Variants in P3H2 observed in about 807,000 individuals in gnomAD.
P3H2 encodes prolyl 3-hydroxylase 2, also known as leprecan-like 1.
In P3H2, 80 loss-of-function variants were observed where a neutral mutation model predicts 87.0. The ratio of observed to expected loss-of-function variants is 0.92; its 90% CI spans 0.77 to 1.11. The LOEUF is 1.11. Ranked by LOEUF, P3H2 falls within the 50% of genes least tolerant of loss-of-function variation. The probability of loss-of-function intolerance (pLI) is 0.00; values close to 1 mark genes in which losing one functional copy is unlikely to be tolerated. For missense variants in P3H2, 1,001 were observed against 923.9 expected (o/e 1.08, Z -1.08); for synonymous variants, 367 against 359.3 (o/e 1.02, Z -0.24).
In P3H2 at chr3:189,964,096, G is replaced by A; in HGVS notation, c.1896C>T (p.Ala632=). ...TGCGCCCACATTTTGGTTTTATAGA[G>A]GCCTGAGAAAGAAAGCAAAAATTAG... is the stretch of plus-strand genomic sequence containing the variant. The part of the protein sequence containing the change: ...FTEMDAKTVT[A]SIKPKCGRMI... The change falls in exon 14 of 15, where the codon GCC becomes GCT. Residue 632 remains alanine (A), a splice_region_variant and synonymous_variant. Coordinates refer to ENST00000319332, the MANE Select transcript of P3H2 (RefSeq NM_018192.4). 6.2e-7 allele frequency: 1 copy of A among 1,614,030 alleles called. No homozygotes were observed. The highest frequency in any genetic ancestry group is 8.5e-7 in the Non-Finnish European group (1 of 1,179,916).
intron 1 of P3H2, among the ~76,000 whole-genome samples, chr3:190,033,571 T>C (rs1471920883): frequency 6.6e-6 from 1 of 152,216 alleles, no homozygotes; most frequent in Non-Finnish European, 1.5e-5. Context: ...ACATGTCTAT[T>C]TCTTTATGAG....
In P3H2 at chr3:190,046,652, C is replaced by T. The variant is rs1031801473; in HGVS notation, c.481-51210G>A. Among the ~76,000 whole-genome samples, 12 of 127,312 alleles carry T rather than the reference C, an allele frequency of 9.4e-5. No individual in the cohort carries two copies. The East Asian group carries it at 2.6e-3, about 28-fold the overall frequency. 83.5% of individuals were successfully genotyped at this position (127,312 alleles called of 152,430 possible). ...CACAATCAGATATAGATTTAAGAAA[C>T]AATCAGATATAAACTCAAAATTGAT... On this transcript the variant is annotated intron_variant, in intron 1 of 14. Transcript: ENST00000319332.
intron 1 of P3H2, among the ~76,000 whole-genome samples, chr3:190,114,079 CAAAA>C (rs1220002187): frequency 0.016 from 1,230 of 78,856 alleles, 10 homozygotes; most frequent in South Asian, 0.02. Context: ...GACTCCGTCT[CAAAA>C]AAAAAAAAAA....
chr3:190,120,388 C>T lies in P3H2; in HGVS notation c.344G>A (p.Gly115Glu). Residue 115 changes from glycine (G) to glutamate (E), a missense_variant, in exon 1 of 15, where the codon GGG (glycine) becomes GAG (glutamate). Coordinates refer to ENST00000319332, the MANE Select transcript of P3H2 (RefSeq NM_018192.4). ...ACAGCTGCGATAACAGCGCGCCCGC[C>T]CCAACAAGGAGCGGAAAAGGGGCAG... ...AELPLFRSLL[G>E]RARCYRSCET... 1.9e-6 allele frequency: 3 copies of T among 1,547,806 alleles called. No homozygotes were observed. The highest frequency in any genetic ancestry group is 2.6e-6 in the Non-Finnish European group (3 of 1,152,848).
In P3H2 at chr3:189,964,017, T is replaced by G. The variant is rs150393214; in HGVS notation, c.1975A>C (p.Lys659Gln). ...ENPHGVKAVT[K>Q]GKRCAVALWF... ...AGAGCCACAGCACACCTCTTTCCCTTGGTGACTGCCTTCACCCCATGAGGG... is the reference window on the plus strand; with the variant it reads ...AGAGCCACAGCACACCTCTTTCCCTGGGTGACTGCCTTCACCCCATGAGGG... Residue 659 changes from lysine to glutamine, a missense_variant, in exon 14 of 15, where the codon AAG (lysine) becomes CAG (glutamine). Coordinates refer to ENST00000319332, the MANE Select transcript of P3H2 (RefSeq NM_018192.4). 6.2e-7 allele frequency: 1 copy of G among 1,614,156 alleles called. No homozygotes were observed. Among genetic ancestry groups the G allele is most frequent in the East Asian group, 2.2e-5 (1 of 44,882 alleles).
At chr3:189,998,953 T>C (rs113631240) in intron 1 of P3H2, among the ~76,000 whole-genome samples, 2,805 of 152,282 alleles carry the variant, frequency 0.018, 86 homozygotes, top group African/African-American at 0.064. Flanking sequence ...TATGAGAACC[T>C]AAGACCTCCA....
chr3:190,038,486 G>GAAAAA (rs57971408), intron 1 of P3H2, among the ~76,000 whole-genome samples: 2 of 92,620 alleles, frequency 2.2e-5, no homozygotes, highest in Admixed American at 1.2e-4. Context: ...ACTGCAGAAT[G>GAAAAA]AAAAAAAAAA....
rs111942217 is a variant in P3H2, at chr3:190,091,244, A to G, written c.480+29008T>C. On this transcript the variant is annotated intron_variant, in intron 1 of 14. Transcript: ENST00000319332. ...TTCTGGATTGTGTTTACCAAGGTAC[A>G]GCATTAAGCTCAAATTTGCTAAATG... is the stretch of plus-strand genomic sequence containing the variant. Among the ~76,000 whole-genome samples the G allele has an allele frequency of 5.4e-3, 829 of 152,332 alleles. 3 individuals carry two copies. The highest frequency in any genetic ancestry group is 0.017 in the African/African-American group (706 of 41,588).
chr3:190,086,556 T>C (rs569984075), intron 1 of P3H2, among the ~76,000 whole-genome samples: 2 of 152,310 alleles, frequency 1.3e-5, no homozygotes, highest in East Asian at 1.9e-4. Context: ...TGGATGTGCA[T>C]AGGCGTGAGG....
At chr3:190,074,612 C>T (rs560154018) in intron 1 of P3H2, among the ~76,000 whole-genome samples, 5 of 152,136 alleles carry the variant, frequency 3.3e-5, no homozygotes, top group Admixed American at 3.3e-4. Context: ...TATCATAACA[C>T]AATGTAATTC....
intron 1 of P3H2, among the ~76,000 whole-genome samples, chr3:190,079,295 C>G (rs573870095): frequency 1.3e-5 from 2 of 151,794 alleles, no homozygotes; most frequent in East Asian, 1.9e-4. Context: ...GAGCTGAGAT[C>G]ACGCCGCTGC....
intron 1 of P3H2, among the ~76,000 whole-genome samples, chr3:190,097,165 G>A (rs569545552): frequency 1.3e-5 from 2 of 152,244 alleles, no homozygotes; most frequent in African/African-American, 4.8e-5. Context: ...AAACATGAGA[G>A]GTGATTATCT....
intron 6 of P3H2, among the ~76,000 whole-genome samples, chr3:189,985,897 G>C (rs1312623823): frequency 2.0e-5 from 3 of 151,916 alleles, no homozygotes; most frequent in African/African-American, 7.2e-5. Flanking sequence ...CTAAAATGTA[G>C]CTAAAAATAC....
At chr3:190,099,271 C>T (rs1214213574) in intron 1 of P3H2, among the ~76,000 whole-genome samples, 2 of 152,142 alleles carry the variant, frequency 1.3e-5, no homozygotes, top group Non-Finnish European at 1.5e-5. Flanking sequence ...ACTTCATTTT[C>T]AAATGACGCT....
chr3:190,032,637 A>G (rs945225453), intron 1 of P3H2, among the ~76,000 whole-genome samples: 3 of 152,182 alleles, frequency 2.0e-5, no homozygotes, highest in Middle Eastern at 6.3e-3. Context: ...TGGATTTGTA[A>G]GATTAGAATT....
rs1384400428 is a variant in P3H2, at chr3:190,120,596, G to C, written c.136C>G (p.Leu46Val). The C allele has an allele frequency of 1.9e-6, 3 of 1,548,096 alleles. No individual in the cohort carries two copies. The highest frequency in any genetic ancestry group is 2.6e-6 in the Non-Finnish European group (3 of 1,157,010). The part of the protein sequence containing the change: ...LEPGPLQPFD[L>V]LYASGAAAYY... ...GCGGCCGCGCCGCTGGCGTAGAGCA[G>C]GTCGAAGGGCTGCAGAGGCCCGGGC... is the stretch of plus-strand genomic sequence containing the variant. The change falls in exon 1 of 15, where the codon CTG (leucine) becomes GTG (valine). Residue 46 changes from leucine (L) to valine (V), a missense_variant. Coordinates refer to ENST00000319332, the MANE Select transcript of P3H2 (RefSeq NM_018192.4).
At chr3:190,031,961 T>C (rs913166010) in intron 1 of P3H2, among the ~76,000 whole-genome samples, 2 of 152,194 alleles carry the variant, frequency 1.3e-5, no homozygotes, top group African/African-American at 4.8e-5. Flanking sequence ...TATCATTTTT[T>C]AGTTTATTCC....
chr3:189,962,161 C>CTTTTTTTTTTTTTTTTTTTTTT (rs770628547), intron 14 of P3H2, among the ~76,000 whole-genome samples: 5 of 87,648 alleles, frequency 5.7e-5, no homozygotes, highest in Non-Finnish European at 8.5e-5. Flanking sequence ...TCTTCTTCTT[C>CTTTTTTTTTTTTTTTTTTTTTT]TTTTTTTTTT....
At chr3:189,972,793 T>C in intron 11 of P3H2, 81 bp downstream of exon 11, 1 of 1,408,212 alleles carries the variant, frequency 7.1e-7, no homozygotes, top group Non-Finnish European at 1.0e-6. Context: ...TAATCTACCA[T>C]GCTGTTGAGC....
Sources: allele counts gnomAD v4.1 joint callset (sites outside exome capture counted in the v4.1 genomes callset), GRCh38; gene constraint gnomAD v4.1.1; transcripts MANE v1.5; gene names NCBI Gene and HGNC (gene_info 2026-07-23, HGNC 2026-07-21).